The following FCHSD2 variants were observed in gnomAD, a reference collection of about 807,000 sequenced individuals.
FCHSD2 encodes the protein F-BAR and double SH3 domains protein 2.
In FCHSD2, 38 loss-of-function variants were observed where a neutral mutation model predicts 108.1. The observed-to-expected ratio is 0.35, with a 90% CI of 0.27 to 0.46. FCHSD2 has a LOEUF of 0.46. Among genes scored for constraint, FCHSD2 ranks in the 20% least tolerant of loss-of-function variants. FCHSD2 has a pLI of 1.00. For synonymous variants in FCHSD2, 279 were observed against 314.7 expected (o/e 0.89, Z 1.20); for missense variants, 751 against 897.8 (o/e 0.84, Z 2.09).
chr11:73,069,664 T>C (rs897897425), intron 3 of FCHSD2, among the ~76,000 whole-genome samples: 20 of 151,838 alleles, frequency 1.3e-4, no homozygotes, highest in Non-Finnish European at 2.4e-4. Context: ...GGAAAATAGA[T>C]TAAGAGGATC....
intron 6 of FCHSD2, among the ~76,000 whole-genome samples, chr11:72,986,539 C>T (rs940388935): frequency 6.6e-6 from 1 of 152,142 alleles, no homozygotes; most frequent in South Asian, 2.1e-4. Context: ...AATCATATTC[C>T]TGTTTATTTT....
chr11:72,969,866 C>T (rs916732825), intron 8 of FCHSD2, among the ~76,000 whole-genome samples: 8 of 152,284 alleles, frequency 5.3e-5, no homozygotes, highest in Admixed American at 1.3e-4. Flanking sequence ...AGGTACAACA[C>T]GACCAAATAC....
intron 3 of FCHSD2, among the ~76,000 whole-genome samples, chr11:73,021,727 C>A (rs192263892): frequency 6.6e-6 from 1 of 152,124 alleles, no homozygotes; most frequent in South Asian, 2.1e-4. Context: ...AAAAAAAAAG[C>A]TCATTCATGA....
chr11:72,904,499 A>ATT (rs1855588963), intron 9 of FCHSD2, among the ~76,000 whole-genome samples: 2 of 152,148 alleles, frequency 1.3e-5, no homozygotes, highest in South Asian at 4.1e-4. Flanking sequence ...CTTATGGCCA[A>ATT]TATTCTTTCA....
chr11:72,942,058 T>C (rs2135343369), intron 8 of FCHSD2, among the ~76,000 whole-genome samples: 1 of 152,386 alleles, frequency 6.6e-6, no homozygotes, highest in East Asian at 1.9e-4. Context: ...CAAAATCTCA[T>C]GTCGAAATGT....
At chr11:72,994,534 T>C (rs1043866109) in intron 5 of FCHSD2, among the ~76,000 whole-genome samples, 1 of 152,162 alleles carries the variant, frequency 6.6e-6, no homozygotes, top group Non-Finnish European at 1.5e-5. Flanking sequence ...TTAAAGTGTG[T>C]ACCCTAGTTC....
chr11:72,855,886 T>A (rs529074152), intron 13 of FCHSD2, among the ~76,000 whole-genome samples: 35 of 152,286 alleles, frequency 2.3e-4, no homozygotes, highest in African/African-American at 7.9e-4. Flanking sequence ...TTTATATACA[T>A]CTATACTCTT....
In FCHSD2 at chr11:73,136,019, G is replaced by C. The variant is rs528968552; in HGVS notation, c.119+4012C>G. 9.2e-4 allele frequency among the ~76,000 whole-genome samples: 140 copies of C among 152,046 alleles called. 1 individual carries two copies. The highest frequency in any genetic ancestry group is 1.4e-3 in the Non-Finnish European group (93 of 67,966). On this transcript the variant is annotated intron_variant, in intron 2 of 19. Coordinates refer to ENST00000409418, the MANE Select transcript of FCHSD2 (RefSeq NM_014824.3). ...CTACAAAATCTTTAAAATAAGCCAG[G>C]CATGGTGGCACGTGCCTATAGTCCT...
At chr11:73,053,145 CTTTTTTT>C (rs771262833) in intron 3 of FCHSD2, among the ~76,000 whole-genome samples, 3 of 102,972 alleles carry the variant, frequency 2.9e-5, no homozygotes, top group African/African-American at 3.6e-5. Flanking sequence ...TGCACCCAGC[CTTTTTTT>C]TTTTTTTTTT....
intron 12 of FCHSD2, among the ~76,000 whole-genome samples, chr11:72,879,883 C>T (rs1855044482): frequency 1.3e-5 from 2 of 151,612 alleles, no homozygotes; most frequent in Admixed American, 1.3e-4. Flanking sequence ...CCTGTAATCC[C>T]AGCTACTTGA....
At chr11:72,870,682 C>T (rs527588334) in intron 12 of FCHSD2, among the ~76,000 whole-genome samples, 3 of 151,732 alleles carry the variant, frequency 2.0e-5, no homozygotes, top group South Asian at 2.1e-4. Context: ...GGGCAGATCA[C>T]GAGGTCAGGA....
intron 17 of FCHSD2, among the ~76,000 whole-genome samples, chr11:72,842,249 AG>A (rs1860979901): frequency 1.3e-5 from 2 of 152,348 alleles, no homozygotes; most frequent in South Asian, 4.1e-4. Flanking sequence ...TCTGACAGTG[AG>A]GGAGAGAGAG....
At chr11:72,911,711 A>G (rs762608906) in intron 9 of FCHSD2, among the ~76,000 whole-genome samples, 1 of 151,970 alleles carries the variant, frequency 6.6e-6, no homozygotes, top group Non-Finnish European at 1.5e-5. Context: ...GTTTTAGGGT[A>G]CATGTGCACA....
chr11:73,061,530 C>G (rs898374852), intron 3 of FCHSD2, among the ~76,000 whole-genome samples: 1 of 152,204 alleles, frequency 6.6e-6, no homozygotes, highest in East Asian at 1.9e-4. Context: ...GTCCCACCCC[C>G]ACGGAGCCCA....
At chr11:72,922,972 C>T (rs1856003377) in intron 8 of FCHSD2, among the ~76,000 whole-genome samples, 1 of 152,138 alleles carries the variant, frequency 6.6e-6, no homozygotes, top group African/African-American at 2.4e-5. Flanking sequence ...CAGCCCCTGG[C>T]AACCACTAGT....
chr11:72,946,439 A>T (rs1273167661), intron 8 of FCHSD2, among the ~76,000 whole-genome samples: 1 of 151,870 alleles, frequency 6.6e-6, no homozygotes, highest in African/African-American at 2.4e-5. Context: ...AGATATACCT[A>T]ATGTTAAATG....
intron 2 of FCHSD2, among the ~76,000 whole-genome samples, chr11:73,113,022 CT>C (rs1392678567): frequency 2.6e-5 from 4 of 151,994 alleles, no homozygotes; most frequent in Non-Finnish European, 5.9e-5. Flanking sequence ...CATTTTTATT[CT>C]TTTTTCTTCT....
intron 3 of FCHSD2, among the ~76,000 whole-genome samples, chr11:73,029,421 T>C (rs545676699): frequency 1.3e-5 from 2 of 152,278 alleles, no homozygotes; most frequent in South Asian, 4.1e-4. Flanking sequence ...GGAGAGTAAA[T>C]TACAGTTAAT....
intron 2 of FCHSD2, among the ~76,000 whole-genome samples, chr11:73,115,311 T>C (rs757252073): frequency 1.1e-4 from 17 of 152,126 alleles, no homozygotes; most frequent in Non-Finnish European, 2.2e-4. Flanking sequence ...AGGGGTGGCG[T>C]TGGCAATTCA....
Sources: allele counts gnomAD v4.1 joint callset (sites outside exome capture counted in the v4.1 genomes callset), GRCh38; gene constraint gnomAD v4.1.1; transcripts MANE v1.5; gene names NCBI Gene and HGNC (gene_info 2026-07-23, HGNC 2026-07-21).